Variants in WDR72 observed in about 807,000 individuals in gnomAD.
WDR72 encodes the protein WD repeat-containing protein 72.
WDR72 carries 120 observed loss-of-function variants against 124.2 expected under a neutral mutation model. That is an observed-to-expected ratio of 0.97 (90% CI 0.83 to 1.12). WDR72 has a LOEUF of 1.12. Ranked by LOEUF, WDR72 falls within the 50% of genes most tolerant of loss-of-function variation. The probability of loss-of-function intolerance (pLI) is 0.00; values close to 1 mark genes in which losing one functional copy is unlikely to be tolerated. For synonymous variants in WDR72, 452 were observed against 441.7 expected (o/e 1.02, Z -0.29); for missense variants, 1,387 against 1,278.8 (o/e 1.08, Z -1.29).
At chr15:53,726,385 C>T (rs556331309) in intron 2 of WDR72, among the ~76,000 whole-genome samples, 1 of 150,630 alleles carries the variant, frequency 6.6e-6, no homozygotes, top group South Asian at 2.1e-4. Flanking sequence ...ATTTCTGAAA[C>T]TCCCTGTACC....
intron 13 of WDR72, among the ~76,000 whole-genome samples, chr15:53,693,349 A>G (rs973269163): frequency 2.6e-5 from 4 of 150,986 alleles, no homozygotes; most frequent in South Asian, 4.2e-4. Flanking sequence ...TTACCACACA[A>G]TTCTAGTCTA....
intron 14 of WDR72, among the ~76,000 whole-genome samples, chr15:53,627,326 T>G (rs1390532525): frequency 1.3e-5 from 2 of 152,226 alleles, no homozygotes; most frequent in Non-Finnish European, 2.9e-5. Context: ...TGTGAAAACA[T>G]TCACTAATGA....
At chr15:53,758,827 G>C (rs922368520) in intron 1 of WDR72, among the ~76,000 whole-genome samples, 1 of 134,014 alleles carries the variant, frequency 7.5e-6, no homozygotes, top group East Asian at 2.4e-4. Flanking sequence ...CCTACGTTTT[G>C]TTTAACAGAA....
intron 1 of WDR72, among the ~76,000 whole-genome samples, chr15:53,755,931 C>G (rs1428570556): frequency 6.6e-6 from 1 of 152,192 alleles, no homozygotes; most frequent in Non-Finnish European, 1.5e-5. Context: ...CCTTCTCACT[C>G]CCCCATTCTG....
chr15:53,538,280 CTA>C (rs1239553039), intron 18 of WDR72, among the ~76,000 whole-genome samples: 1 of 152,084 alleles, frequency 6.6e-6, no homozygotes, highest in African/African-American at 2.4e-5. Context: ...AAATGAGCAA[CTA>C]TAATCTTTTA....
rs572496420 is a variant in WDR72, at chr15:53,516,524, C to T, written c.*1175G>A. ...ATATCATATATTTAATGCTTTATAT[C>T]CCTTTTTCAATTATATAGTTCTCTT... is the stretch of plus-strand genomic sequence containing the variant. On this transcript the variant is annotated 3_prime_UTR_variant, in exon 20 of 20. Coordinates refer to ENST00000360509, the MANE Select transcript of WDR72 (RefSeq NM_182758.4). 2 of 151,952 alleles carry T rather than the reference C, an allele frequency of 1.3e-5. No individual in the cohort carries two copies. The highest frequency in any genetic ancestry group is 2.1e-4 in the South Asian group (1 of 4,812). The allele number at this position is 151,952 out of a possible 1,614,324, so 9.4% of individuals were successfully genotyped here. A position where few individuals can be genotyped will look rare whatever the true frequency, so the allele number is the denominator to read the frequency against.
chr15:53,620,618 C>G (rs1271175979), intron 14 of WDR72, among the ~76,000 whole-genome samples: 1 of 152,048 alleles, frequency 6.6e-6, no homozygotes, highest in African/African-American at 2.4e-5. Flanking sequence ...AAACTGGATC[C>G]TCATCTCTCA....
At chr15:53,602,074 G>A (rs1236902667) in intron 17 of WDR72, among the ~76,000 whole-genome samples, 1 of 151,970 alleles carries the variant, frequency 6.6e-6, no homozygotes, top group Non-Finnish European at 1.5e-5. Context: ...TTCTAAAATT[G>A]ATCATAATTG....
intron 17 of WDR72, among the ~76,000 whole-genome samples, chr15:53,599,289 A>G (rs557914826): frequency 1.2e-4 from 19 of 152,182 alleles, no homozygotes; most frequent in African/African-American, 4.3e-4. Flanking sequence ...ATAACACTGA[A>G]GCTATTTCAT....
At chr15:53,670,970 C>A (rs2015964761) in intron 13 of WDR72, among the ~76,000 whole-genome samples, 1 of 152,182 alleles carries the variant, frequency 6.6e-6, no homozygotes, top group African/African-American at 2.4e-5. Flanking sequence ...CCTCAATCAG[C>A]CTTTCCTCAC....
Position 53,613,668 on chromosome 15 carries a change from T to G in WDR72, c.2870A>C (p.Asn957Thr). ...NMSSFYSCLRNGKNESHVPEA... is the reference protein window; with the variant it reads ...NMSSFYSCLRTGKNESHVPEA... The stretch of plus-strand genomic sequence containing the variant: ...ATCTGTGCCAGTAACTCTCTTACCA[T>G]TTCGTAAGCAACTGTAGAAGCTTGA... Residue 957 changes from asparagine to threonine, a missense_variant and splice_region_variant, in exon 16 of 20, where the codon AAT (asparagine) becomes ACT (threonine). Physicochemically the swap from Asn to Thr is moderately conservative, Grantham distance 65. Coordinates refer to ENST00000360509, the MANE Select transcript of WDR72 (RefSeq NM_182758.4). 2 of 1,606,500 alleles carry G rather than the reference T, an allele frequency of 1.2e-6. No individual in the cohort carries two copies. Among genetic ancestry groups the G allele is most frequent in the Non-Finnish European group, 1.7e-6 (2 of 1,174,608 alleles).
At chr15:53,718,227 G>C (rs1367659613) in intron 3 of WDR72, among the ~76,000 whole-genome samples, 2 of 135,054 alleles carry the variant, frequency 1.5e-5, no homozygotes, top group Non-Finnish European at 2.9e-5. Flanking sequence ...AAAAGCACCT[G>C]GTCAGTCGAC....
At chr15:53,751,917 T>C (rs1176250593) in intron 1 of WDR72, among the ~76,000 whole-genome samples, 1 of 152,326 alleles carries the variant, frequency 6.6e-6, no homozygotes, top group South Asian at 2.1e-4. Context: ...TCTAATAAGG[T>C]TGATGTGAGT....
chr15:53,662,079 T>C (rs922290324), intron 14 of WDR72, among the ~76,000 whole-genome samples: 3 of 152,292 alleles, frequency 2.0e-5, no homozygotes, highest in African/African-American at 7.2e-5. Context: ...CTGCAATATA[T>C]AGATGATTTT....
Position 53,561,206 on chromosome 15 carries a change from T to C in WDR72, c.3148+35873A>G, listed in dbSNP as rs186704099. Among the ~76,000 whole-genome samples, 5 of 151,964 alleles carry C rather than the reference T, an allele frequency of 3.3e-5. No individual in the cohort carries two copies. The East Asian group carries it at 9.7e-4, about 30-fold the overall frequency. ...TTTGAAATTAATTCTGGTAAGGATA[T>C]AGCTATTTCTAAAACTTAAATGCAC... On this transcript the variant is annotated intron_variant, in intron 18 of 19. Transcript: ENST00000360509.
At chr15:53,608,446 T>C (rs2013383127) in intron 17 of WDR72, among the ~76,000 whole-genome samples, 1 of 150,434 alleles carries the variant, frequency 6.6e-6, no homozygotes, top group African/African-American at 2.4e-5. Flanking sequence ...TGTTTTCACT[T>C]ATGTGTGGAA....
intron 1 of WDR72, among the ~76,000 whole-genome samples, chr15:53,735,991 A>G (rs1026538489): frequency 1.3e-5 from 2 of 152,126 alleles, no homozygotes; most frequent in Non-Finnish European, 2.9e-5. Flanking sequence ...AAGTGAAGGG[A>G]GAATAATTAA....
Position 53,704,986 on chromosome 15 carries a change from AC to A in WDR72, c.1348+1del. 5 of 1,613,740 alleles carry A rather than the reference AC, an allele frequency of 3.1e-6. No individual in the cohort carries two copies. The highest frequency in any genetic ancestry group is 4.2e-6 in the Non-Finnish European group (5 of 1,179,972). On this transcript the variant is annotated splice_donor_variant, in intron 11 of 19. Transcript: ENST00000360509. LOFTEE classifies it high-confidence loss of function. Reference sequence around the variant, plus strand: ...AAATAGGGTCAAATAAAATTCAAGGACCTTTTACTAAAGAACCACCTTCCAG... The same window carrying A: ...AAATAGGGTCAAATAAAATTCAAGGACTTTTACTAAAGAACCACCTTCCAG...
At chr15:53,744,853 G>A (rs2018603314) in intron 1 of WDR72, among the ~76,000 whole-genome samples, 1 of 152,110 alleles carries the variant, frequency 6.6e-6, no homozygotes, top group South Asian at 2.1e-4. Context: ...GACCTTCCTA[G>A]GACCAAAGCA....
Sources: gnomAD v4.1 joint callset for allele counts (sites outside exome capture counted in the v4.1 genomes callset) on GRCh38, gnomAD v4.1.1 for gene constraint, MANE v1.5 for transcripts, NCBI Gene and HGNC (gene_info 2026-07-23, HGNC 2026-07-21) for gene names.